MLLT10: variants seen among roughly 807,000 people sequenced by gnomAD.
MLLT10 encodes the protein protein AF-10.
Under a neutral mutation model 129.1 loss-of-function variants are expected in MLLT10, and 30 were observed. That is an observed-to-expected ratio of 0.23 (90% CI 0.17 to 0.32). MLLT10 has a LOEUF of 0.32. Among genes scored for constraint, MLLT10 ranks in the 10% least tolerant of loss-of-function variants. MLLT10 has a pLI of 1.00. For missense variants in MLLT10, 1,119 were observed against 1,268.3 expected (o/e 0.88, Z 1.79); for synonymous variants, 490 against 446.4 (o/e 1.10, Z -1.23).
chr10:21,701,259 G>T (rs2054878318), intron 13 of MLLT10, among the ~76,000 whole-genome samples: 1 of 146,082 alleles, frequency 6.8e-6, no homozygotes. Context: ...TTTACCTTTT[G>T]AAGAACCAAT....
At chr10:21,624,779 G>A (rs778157724) in intron 8 of MLLT10, 33 of 1,082,226 alleles carry the variant, frequency 3.0e-5, no homozygotes, top group Non-Finnish European at 3.9e-5. Context: ...CTTCTCTTGC[G>A]TCCTACATTG....
At chr10:21,717,810 T>TCTTCTC (rs2056820553) in intron 14 of MLLT10, among the ~76,000 whole-genome samples, 10 of 88,010 alleles carry the variant, frequency 1.1e-4, no homozygotes, top group Admixed American at 9.4e-4. Flanking sequence ...TCCTTCTTCT[T>TCTTCTC]CTCCTTCTTC....
intron 8 of MLLT10, among the ~76,000 whole-genome samples, chr10:21,651,430 A>C (rs11012764): frequency 5.9e-5 from 9 of 152,190 alleles, no homozygotes; most frequent in Non-Finnish European, 1.3e-4. Context: ...GTAGCAAATA[A>C]TTACAGACTT....
At chr10:21,736,766 T>C (rs1197990090) in intron 21 of MLLT10, among the ~76,000 whole-genome samples, 1 of 152,070 alleles carries the variant, frequency 6.6e-6, no homozygotes, top group African/African-American at 2.4e-5. Flanking sequence ...ACAAGTCAAA[T>C]GGAGATAAGG....
chr10:21,711,129 A>G (rs1040458696), intron 13 of MLLT10, among the ~76,000 whole-genome samples: 1 of 152,112 alleles, frequency 6.6e-6, no homozygotes, highest in Non-Finnish European at 1.5e-5. Flanking sequence ...CCCTTTAGAA[A>G]TTAGCTTGAG....
intron 5 of MLLT10, among the ~76,000 whole-genome samples, chr10:21,610,561 T>A (rs748094863): frequency 6.6e-6 from 1 of 152,120 alleles, no homozygotes; most frequent in Non-Finnish European, 1.5e-5. Flanking sequence ...TTTTCACCTG[T>A]GAAATGGTTA....
At chr10:21,572,863 G>A (rs1394680647) in intron 3 of MLLT10, among the ~76,000 whole-genome samples, 2 of 151,888 alleles carry the variant, frequency 1.3e-5, no homozygotes, top group Admixed American at 6.6e-5. Flanking sequence ...TGCCTGTTTC[G>A]GCCTTCCAAA....
intron 11 of MLLT10, among the ~76,000 whole-genome samples, chr10:21,678,603 A>G (rs1307684209): frequency 6.6e-6 from 1 of 152,186 alleles, no homozygotes; most frequent in African/African-American, 2.4e-5. Context: ...TGGCACTGTG[A>G]AGGTGATGTT....
chr10:21,540,154 G>A lies in MLLT10; in HGVS notation c.240+1242G>A, dbSNP rs569426274. Among the ~76,000 whole-genome samples, 11 of 152,240 alleles carry A rather than the reference G, an allele frequency of 7.2e-5. No individual in the cohort carries two copies. In the Middle Eastern group the frequency reaches 0.024, roughly 330 times the overall value. On this transcript the variant is annotated intron_variant, in intron 3 of 22. Transcript: ENST00000307729. ...GCCTATAATTCCAGCACTTTGGTAG[G>A]CTGAGGTGGGCGGATCACTTGGGGT...
chr10:21,592,480 G>T (rs1416696389), intron 4 of MLLT10, among the ~76,000 whole-genome samples: 1 of 150,572 alleles, frequency 6.6e-6, no homozygotes, highest in Non-Finnish European at 1.5e-5. Flanking sequence ...TTTTGAGACG[G>T]AGTCTCACTC....
At chr10:21,609,447 A>T (rs1210905217) in intron 5 of MLLT10, among the ~76,000 whole-genome samples, 1 of 152,188 alleles carries the variant, frequency 6.6e-6, no homozygotes, top group Non-Finnish European at 1.5e-5. Flanking sequence ...CAGAGGTTGT[A>T]CTGTAGCCCC....
At chr10:21,560,155 G>A (rs1323799890) in intron 3 of MLLT10, among the ~76,000 whole-genome samples, 6 of 151,992 alleles carry the variant, frequency 3.9e-5, no homozygotes, top group East Asian at 1.9e-4. Context: ...ACAGGCGTGC[G>A]CCACCACACC....
intron 21 of MLLT10, among the ~76,000 whole-genome samples, chr10:21,739,290 C>T (rs1289336913): frequency 1.3e-5 from 2 of 152,216 alleles, no homozygotes; most frequent in Non-Finnish European, 1.5e-5. Flanking sequence ...GGGCCTGCTC[C>T]TCTGGAGGCC....
intron 8 of MLLT10, among the ~76,000 whole-genome samples, chr10:21,642,554 G>T (rs994596342): frequency 6.6e-6 from 1 of 151,598 alleles, no homozygotes; most frequent in Non-Finnish European, 1.5e-5. Flanking sequence ...GTACTCGGGA[G>T]GATGAGGCAG....
intron 8 of MLLT10, among the ~76,000 whole-genome samples, chr10:21,631,997 A>G (rs754625015): frequency 6.0e-5 from 9 of 151,030 alleles, no homozygotes; most frequent in Non-Finnish European, 1.3e-4. Context: ...AAGAATGCTA[A>G]TACAGAATAT....
intron 21 of MLLT10, among the ~76,000 whole-genome samples, chr10:21,735,440 G>A (rs978254564): frequency 1.3e-5 from 2 of 152,204 alleles, no homozygotes; most frequent in Non-Finnish European, 2.9e-5. Flanking sequence ...CACGTGGCAT[G>A]GTGCTGCCAT....
At chr10:21,643,970 A>G (rs2048251866) in intron 8 of MLLT10, among the ~76,000 whole-genome samples, 1 of 152,084 alleles carries the variant, frequency 6.6e-6, no homozygotes, top group Non-Finnish European at 1.5e-5. Flanking sequence ...GATTATTTCA[A>G]GCCTTTCTTT....
chr10:21,723,129 A>C, intron 14 of MLLT10, among the ~76,000 whole-genome samples: 1 of 152,180 alleles, frequency 6.6e-6, no homozygotes, highest in African/African-American at 2.4e-5. Flanking sequence ...AAAAATAGAT[A>C]CTTTCCTTCT....
intron 11 of MLLT10, among the ~76,000 whole-genome samples, chr10:21,678,952 C>T (rs2052468241): frequency 6.6e-6 from 1 of 152,114 alleles, no homozygotes; most frequent in Admixed American, 6.6e-5. Context: ...ATGTGATTCC[C>T]TCTTGAAATT....
Sources: gnomAD v4.1 joint callset for allele counts (sites outside exome capture counted in the v4.1 genomes callset) on GRCh38, gnomAD v4.1.1 for gene constraint, MANE v1.5 for transcripts, NCBI Gene and HGNC (gene_info 2026-07-23, HGNC 2026-07-21) for gene names.